Variants in GSG1L observed in about 807,000 individuals in gnomAD.
The protein encoded by GSG1L is germ cell-specific gene 1-like protein.
In GSG1L, 24 loss-of-function variants were observed where a neutral mutation model predicts 42.1. The observed-to-expected ratio is 0.57, with a 90% CI of 0.41 to 0.80. GSG1L has a LOEUF of 0.80. GSG1L is among the 30% of genes least tolerant of loss of function. The probability of loss-of-function intolerance (pLI) is 0.00; values close to 1 mark genes in which losing one functional copy is unlikely to be tolerated. For missense variants in GSG1L, 445 were observed against 472.2 expected, an observed-to-expected ratio of 0.94 and a Z score of 0.53; for synonymous variants, 215 against 203.5, an observed-to-expected ratio of 1.06 and a Z score of -0.48.
intron 1 of GSG1L, among the ~76,000 whole-genome samples, chr16:28,036,588 C>T (rs559980153): frequency 1.3e-5 from 2 of 152,338 alleles, no homozygotes; most frequent in South Asian, 2.1e-4. Context: ...TCCCCCCCTT[C>T]ACCAGGACTT....
chr16:27,879,760 ATTG>A (rs1389860551), intron 3 of GSG1L, among the ~76,000 whole-genome samples: 1 of 151,590 alleles, frequency 6.6e-6, no homozygotes. Flanking sequence ...TAGTTGTTGT[ATTG>A]TTATTAAATT....
chr16:27,873,161 A>G (rs2083843936), intron 3 of GSG1L, among the ~76,000 whole-genome samples: 1 of 152,210 alleles, frequency 6.6e-6, no homozygotes, highest in East Asian at 1.9e-4. Flanking sequence ...AATGTGAGCT[A>G]TTGGTGCTAT....
At chr16:27,880,373 C>T (rs762138983) in intron 3 of GSG1L, among the ~76,000 whole-genome samples, 49 of 152,216 alleles carry the variant, frequency 3.2e-4, no homozygotes, top group Non-Finnish European at 1.9e-4. Flanking sequence ...GCTGCTACAT[C>T]CTTCTCAGTT....
At chr16:27,808,420 T>TC (rs2082993025) in intron 5 of GSG1L, among the ~76,000 whole-genome samples, 1 of 140,702 alleles carries the variant, frequency 7.1e-6, no homozygotes, top group African/African-American at 2.7e-5. Flanking sequence ...TTAAAACACA[T>TC]CTTTTTTTTT....
intron 1 of GSG1L, among the ~76,000 whole-genome samples, chr16:27,974,372 C>A (rs532874759): frequency 2.6e-5 from 4 of 152,266 alleles, no homozygotes; most frequent in African/African-American, 9.6e-5. Context: ...AGAAAACCAC[C>A]AGCTGTGGGG....
intron 1 of GSG1L, among the ~76,000 whole-genome samples, chr16:27,999,503 G>C (rs1239628628): frequency 1.3e-5 from 2 of 152,198 alleles, no homozygotes; most frequent in African/African-American, 2.4e-5. Context: ...TTATGCATCT[G>C]TTGTTATTCC....
rs769658739 is a variant in GSG1L, at chr16:28,063,196, A to AGGCGGT, written c.223_228dup (p.Thr75_Ala76dup). 2 of 1,295,174 alleles carry AGGCGGT rather than the reference A, an allele frequency of 1.5e-6. No homozygotes were observed. The highest frequency in any genetic ancestry group is 2.3e-5 in the South Asian group (1 of 44,022). The allele number at this position is 1,295,174 out of a possible 1,614,324, so 80.2% of individuals were successfully genotyped here. ...GCGCCGCCAGGGGGGCCGTTCCCCGAGGCGGTGGCGGCGGCGGCGGCGGCG... is the reference window on the plus strand; with the variant it reads ...GCGCCGCCAGGGGGGCCGTTCCCCGAGGCGGTGGCGGTGGCGGCGGCGGCGGCGGCG... On this transcript the variant is annotated inframe_insertion, in exon 1 of 7. Coordinates refer to ENST00000447459, the MANE Select transcript of GSG1L (RefSeq NM_001109763.2). The surrounding 1 kb of genome is among the most constrained non-coding windows in gnomAD (Gnocchi z 5.8).
At chr16:27,938,331 T>G (rs1430543140) in intron 2 of GSG1L, among the ~76,000 whole-genome samples, 1 of 143,388 alleles carries the variant, frequency 7.0e-6, no homozygotes, top group Non-Finnish European at 1.5e-5. Context: ...TGGGTTGCAG[T>G]GAGCCGAGAT....
chr16:27,962,990 A>G (rs2085087283), intron 2 of GSG1L, among the ~76,000 whole-genome samples, 166 bp downstream of exon 2: 1 of 152,094 alleles, frequency 6.6e-6, no homozygotes, highest in South Asian at 2.1e-4. Context: ...CTCCACTGAG[A>G]GCTCAAGAAA....
At chr16:27,904,897 T>C (rs2084302439) in intron 2 of GSG1L, among the ~76,000 whole-genome samples, 1 of 152,160 alleles carries the variant, frequency 6.6e-6, no homozygotes, top group Non-Finnish European at 1.5e-5. Flanking sequence ...CATTCAGGGA[T>C]GGTCACATCC....
rs150067323 is a variant in GSG1L, at chr16:27,824,688, T to C, written c.830+4101A>G. On this transcript the variant is annotated intron_variant, in intron 5 of 6. Transcript: ENST00000447459. ...TGTGTAAAGTGATATTCTGCACATA[T>C]GCTGGGAAGAATTCATCTTGGGGCT... 5.0e-3 allele frequency among the ~76,000 whole-genome samples: 769 copies of C among 152,372 alleles called. 2 individuals are homozygous for C. Among genetic ancestry groups the C allele is most frequent in the African/African-American group, 0.017 (727 of 41,590 alleles).
At chr16:27,827,432 TAA>T (rs2083222924) in intron 5 of GSG1L, among the ~76,000 whole-genome samples, 1 of 152,034 alleles carries the variant, frequency 6.6e-6, no homozygotes, top group South Asian at 2.1e-4. Flanking sequence ...TAGGCTGAGT[TAA>T]AGAGGGCAGC....
At chr16:27,946,861 C>T (rs1021314268) in intron 2 of GSG1L, among the ~76,000 whole-genome samples, 2 of 152,120 alleles carry the variant, frequency 1.3e-5, no homozygotes, top group Admixed American at 6.6e-5. Flanking sequence ...GGGGGAAATC[C>T]GACAGGATAT....
intron 3 of GSG1L, among the ~76,000 whole-genome samples, chr16:27,847,561 GA>G (rs1399920126): frequency 1.3e-5 from 2 of 152,254 alleles, no homozygotes; most frequent in Non-Finnish European, 2.9e-5. Context: ...CCAGGAAAGT[GA>G]AAGAGAGAGC....
intron 2 of GSG1L, among the ~76,000 whole-genome samples, chr16:27,951,471 T>A (rs2084949864): frequency 6.6e-6 from 1 of 152,062 alleles, no homozygotes; most frequent in South Asian, 2.1e-4. Context: ...CTCGGGAGCA[T>A]CGAGTGAGAG....
At chr16:27,979,699 G>GA (rs34196734) in intron 1 of GSG1L, among the ~76,000 whole-genome samples, 15,842 of 68,074 alleles carry the variant, frequency 0.23, 2,748 homozygotes, top group South Asian at 0.39. Context: ...AGGAAGGAAG[G>GA]AAGGAAGGAA....
intron 3 of GSG1L, among the ~76,000 whole-genome samples, chr16:27,852,091 T>C (rs1245353426): frequency 2.0e-5 from 3 of 152,236 alleles, no homozygotes; most frequent in Non-Finnish European, 4.4e-5. Flanking sequence ...GGTAGCTGAT[T>C]AATTGATTTA....
chr16:27,793,939 A>T (rs752224213), intron 6 of GSG1L, among the ~76,000 whole-genome samples: 1 of 152,220 alleles, frequency 6.6e-6, no homozygotes, highest in Non-Finnish European at 1.5e-5. Context: ...ATGTAAATGG[A>T]TGAGGTGAGT....
intron 2 of GSG1L, among the ~76,000 whole-genome samples, chr16:27,922,357 C>A (rs974347537): frequency 8.5e-5 from 13 of 152,204 alleles, no homozygotes; most frequent in African/African-American, 2.9e-4. Flanking sequence ...TATTCCCCAG[C>A]ATGGATGACC....
Sources: gnomAD v4.1 joint callset for allele counts (sites outside exome capture counted in the v4.1 genomes callset) on GRCh38, gnomAD v4.1.1 for gene constraint, Gnocchi (gnomAD v3.1) non-coding constraint, MANE v1.5 for transcripts, NCBI Gene and HGNC (gene_info 2026-07-23, HGNC 2026-07-21) for gene names.